The following TENM2 variants were observed in gnomAD, a reference collection of about 807,000 sequenced individuals.
The protein encoded by TENM2 is teneurin-2.
TENM2 carries 52 observed loss-of-function variants against 245.2 expected under a neutral mutation model. The ratio of observed to expected loss-of-function variants is 0.21; its 90% CI spans 0.17 to 0.27. The LOEUF is 0.27. TENM2 is among the 10% of genes least tolerant of loss of function. The pLI is 1.00. For synonymous variants in TENM2, 1,363 were observed against 1,438.9 expected (o/e 0.95, Z 1.19); for missense variants, 3,046 against 3,666.8 (o/e 0.83, Z 4.37).
chr5:167,766,492 C>T (rs1459654602), intron 2 of TENM2, among the ~76,000 whole-genome samples: 2 of 152,176 alleles, frequency 1.3e-5, no homozygotes, highest in Non-Finnish European at 2.9e-5. Flanking sequence ...TATATTTTTA[C>T]ATCCATTCAA....
chr5:167,507,987 G>A (rs1419973085), intron 2 of TENM2, among the ~76,000 whole-genome samples: 2 of 151,900 alleles, frequency 1.3e-5, no homozygotes, highest in Non-Finnish European at 2.9e-5. Flanking sequence ...AGAAATTACT[G>A]CCCACAGAAA....
intron 2 of TENM2, among the ~76,000 whole-genome samples, chr5:167,423,986 C>G (rs1405237207): frequency 6.6e-6 from 1 of 152,156 alleles, no homozygotes; most frequent in Non-Finnish European, 1.5e-5. Context: ...CAGATTATCT[C>G]TTTAGTACAA....
At chr5:167,854,247 G>A (rs1383056548) in intron 2 of TENM2, among the ~76,000 whole-genome samples, 2 of 152,064 alleles carry the variant, frequency 1.3e-5, no homozygotes, top group African/African-American at 4.8e-5. Flanking sequence ...CTGTGCCTGG[G>A]GCTTGCAAGA....
the TENM2 span, chr5:167,116,664 A>T: frequency 1.3e-5 from 2 of 152,148 alleles, no homozygotes; most frequent in African/African-American, 4.8e-5. Flanking sequence ...AGTGGGTAAA[A>T]TAATGAGCAG....
intron 2 of TENM2, among the ~76,000 whole-genome samples, chr5:167,415,120 G>A (rs985374185): frequency 6.6e-6 from 1 of 152,022 alleles, no homozygotes; most frequent in African/African-American, 2.4e-5. Context: ...AGTGTTAATG[G>A]CAAAGCAAAT....
rs138158023 is a variant in TENM2 at position 167,644,302 on chromosome 5, T to C, written c.503-231684T>C. Among the ~76,000 whole-genome samples, 115 of 152,332 alleles carry C rather than the reference T, an allele frequency of 7.5e-4. 1 individual carries two copies. Among genetic ancestry groups the C allele is most frequent in the African/African-American group, 2.6e-3 (110 of 41,572 alleles). On this transcript the variant is annotated intron_variant, in intron 2 of 28. Transcript: ENST00000518659. ...ATTCCTGAAGCAGCATAAATGTGCT[T>C]TGCAACCTGAGTCCCTTGTTATTCT... is the stretch of plus-strand genomic sequence containing the variant.
the TENM2 span, among the ~76,000 whole-genome samples, chr5:166,985,621 G>A: frequency 6.6e-6 from 1 of 151,880 alleles, no homozygotes; most frequent in South Asian, 2.1e-4. Flanking sequence ...ATTACTAAAG[G>A]AAAAAAATCA....
At chr5:168,224,016 T>C (rs1424283405) in intron 23 of TENM2, among the ~76,000 whole-genome samples, 2 of 152,108 alleles carry the variant, frequency 1.3e-5, no homozygotes, top group African/African-American at 4.8e-5. Context: ...TAGAAACCCA[T>C]GTTGTCGATC....
In TENM2 at chr5:167,300,618, G is replaced by A. The variant is rs138842223; in HGVS notation, c.226+15555G>A. On this transcript the variant is annotated intron_variant, in intron 1 of 28. Transcript: ENST00000518659. Reference sequence around the variant, plus strand: ...TAACAGGCTCTAATCCTTTTAAAGCGTGCTGTGGGATGGGATATTGGCATG... The same window carrying A: ...TAACAGGCTCTAATCCTTTTAAAGCATGCTGTGGGATGGGATATTGGCATG... 0.01 allele frequency among the ~76,000 whole-genome samples: 1,567 copies of A among 152,170 alleles called. 110 individuals are homozygous for A. The East Asian group carries it at 0.19, about 18-fold the overall frequency.
intron 2 of TENM2, among the ~76,000 whole-genome samples, chr5:167,709,693 C>G (rs1758776974): frequency 6.6e-6 from 1 of 152,192 alleles, no homozygotes; most frequent in African/African-American, 2.4e-5. Flanking sequence ...ACCCACATTC[C>G]TTGACCACAC....
exon 19 of TENM2, chr5:168,204,396 A>G (rs373976873): frequency 5.0e-6 from 8 of 1,613,898 alleles, no homozygotes; most frequent in Non-Finnish European, 6.8e-6. Flanking sequence ...GGCACTGGGG[A>G]AAACCAGTTC....
In TENM2 at chr5:168,262,724, G is replaced by C. The variant is rs759115999; in HGVS notation, c.8239G>C (p.Val2747Leu). 10 of 1,610,886 alleles carry C rather than the reference G, an allele frequency of 6.2e-6. No homozygotes were observed. The Admixed American group carries it at 1.3e-4, about 22-fold the overall frequency. The stretch of plus-strand genomic sequence containing the variant: ...CGTGCAAGGGTACGAGGGATATTAC[G>C]TGCTTCCCGTGGAGCAATACCCAGA... The change falls in exon 29 of 29, where the codon GTG becomes CTG. Residue 2747 changes from valine (V) to leucine (L), a missense_variant. Around this residue, in one of 2 missense-constraint regions of TENM2, gnomAD observed 2,704 missense variants for 3,331.9 expected, o/e 0.81. Transcript: ENST00000518659.
chr5:167,688,201 C>A (rs1364013095), intron 2 of TENM2, among the ~76,000 whole-genome samples: 4 of 152,172 alleles, frequency 2.6e-5, no homozygotes, highest in Non-Finnish European at 5.9e-5. Context: ...TCTCTTACCC[C>A]TCTGTCATAC....
chr5:167,931,465 A>T (rs1263419372), intron 3 of TENM2, among the ~76,000 whole-genome samples: 3 of 151,496 alleles, frequency 2.0e-5, no homozygotes, highest in African/African-American at 7.3e-5. Flanking sequence ...TAGTCGTAGA[A>T]TATTGGGATA....
At chr5:167,237,118 G>C in the TENM2 span, among the ~76,000 whole-genome samples, 1 of 152,068 alleles carries the variant, frequency 6.6e-6, no homozygotes, top group African/African-American at 2.4e-5. Flanking sequence ...CCTGTTTTCT[G>C]TCAGACCATA....
chr5:167,756,212 A>C (rs1223617560), intron 2 of TENM2, among the ~76,000 whole-genome samples: 1 of 152,096 alleles, frequency 6.6e-6, no homozygotes, highest in Non-Finnish European at 1.5e-5. Context: ...TGCTGTTTCC[A>C]TGTTGTATGA....
the TENM2 span, among the ~76,000 whole-genome samples, chr5:167,224,972 T>C: frequency 1.3e-5 from 2 of 152,036 alleles, no homozygotes; most frequent in Admixed American, 1.3e-4. Context: ...CTTATATAAT[T>C]GGGATTGCCT....
At chr5:167,574,168 AT>A (rs1337250322) in intron 2 of TENM2, 1 of 152,200 alleles carries the variant, frequency 6.6e-6, no homozygotes, top group Non-Finnish European at 1.5e-5. Flanking sequence ...ACCTGTATTA[AT>A]TTTGATGAAT....
chr5:167,458,797 AG>A (rs1249798586), intron 2 of TENM2, among the ~76,000 whole-genome samples: 11 of 152,338 alleles, frequency 7.2e-5, no homozygotes, highest in Non-Finnish European at 1.3e-4. Flanking sequence ...TTCACTGATG[AG>A]AAAAAGAAGT....
Sources: gnomAD v4.1 joint callset for allele counts (sites outside exome capture counted in the v4.1 genomes callset) on GRCh38, gnomAD v4.1.1 for gene constraint, gnomAD v4.1.1 regional missense constraint, MANE v1.5 for transcripts, NCBI Gene and HGNC (gene_info 2026-07-23, HGNC 2026-07-21) for gene names.